The following SNCAIP variants were observed in gnomAD, a reference collection of about 807,000 sequenced individuals.
The protein encoded by SNCAIP is synuclein alpha interacting protein.
Under a neutral mutation model 86.7 loss-of-function variants are expected in SNCAIP, and 43 were observed. The observed-to-expected ratio is 0.50, with a 90% CI of 0.39 to 0.64. The LOEUF (loss-of-function observed/expected upper bound fraction) is 0.64, where lower values mean the gene tolerates loss of function less well. Among genes scored for constraint, SNCAIP ranks in the 30% least tolerant of loss-of-function variants. The pLI, the probability that SNCAIP is intolerant of heterozygous loss-of-function variation, is 0.00. For synonymous variants in SNCAIP, 417 were observed against 427.2 expected (o/e 0.98, Z 0.29); for missense variants, 981 against 1,103.1 (o/e 0.89, Z 1.57).
chr5:122,403,037 C>G (rs995098326), intron 2 of SNCAIP, among the ~76,000 whole-genome samples: 2 of 152,126 alleles, frequency 1.3e-5, no homozygotes, highest in African/African-American at 4.8e-5. Context: ...CACATGTTGT[C>G]CTCATAAATC....
At chr5:122,415,312 T>C (rs1346754189) in intron 3 of SNCAIP, among the ~76,000 whole-genome samples, 3 of 152,226 alleles carry the variant, frequency 2.0e-5, no homozygotes, top group African/African-American at 7.2e-5. Context: ...AGGCCAGCAC[T>C]GGGTCTTCCA....
At chr5:122,429,803 C>T (rs17149175) in intron 5 of SNCAIP, among the ~76,000 whole-genome samples, 15,854 of 152,072 alleles carry the variant, frequency 0.1, 1,056 homozygotes, top group Admixed American at 0.14. Context: ...AGCCAGGACA[C>T]GGTTACCTCC....
At chr5:122,463,383 GT>G in intron 10 of SNCAIP, 107 bp from the exon 11 acceptor site, 1 of 749,388 alleles carries the variant, frequency 1.3e-6, no homozygotes, top group Non-Finnish European at 2.4e-6. Context: ...CTTCAGTGTG[GT>G]TTGTGTGAGG....
chr5:122,423,224 C>G lies in SNCAIP; in HGVS notation c.487C>G (p.Gln163Glu). The G allele has an allele frequency of 6.2e-7, 1 of 1,614,152 alleles. No individual in the cohort carries two copies. The part of the protein sequence containing the change: ...ILDVPYIKSS[Q>E]QLASFTKVTS... ...GGATGTGCCTTATATTAAATCCAGT[C>G]AGCAGCTTGCCTCTTTTACCAAGGT... Residue 163 changes from glutamine to glutamate, a missense_variant, in exon 4 of 11, where the codon CAG becomes GAG. Coordinates refer to ENST00000261368, the MANE Select transcript of SNCAIP (RefSeq NM_005460.4).
intron 10 of SNCAIP, among the ~76,000 whole-genome samples, chr5:122,459,258 G>A (rs151132809): frequency 5.5e-4 from 83 of 152,290 alleles, no homozygotes; most frequent in Non-Finnish European, 9.4e-4. Flanking sequence ...AATGTCGTGC[G>A]TGCCGTGGAC....
At chr5:122,372,039 T>G (rs1764379104) in intron 1 of SNCAIP, among the ~76,000 whole-genome samples, 1 of 152,110 alleles carries the variant, frequency 6.6e-6, no homozygotes. Context: ...CAGCCCCCAG[T>G]TGCCACCTCC....
intron 3 of SNCAIP, among the ~76,000 whole-genome samples, chr5:122,415,634 A>G (rs928284428): frequency 7.9e-5 from 12 of 152,194 alleles, no homozygotes; most frequent in African/African-American, 2.9e-4. Context: ...GTTCTCTCTT[A>G]CCAAGGAGCA....
chr5:122,380,665 C>G (rs1272362799), intron 1 of SNCAIP, among the ~76,000 whole-genome samples: 1 of 148,494 alleles, frequency 6.7e-6, no homozygotes, highest in Non-Finnish European at 1.5e-5. Context: ...CCTGCTTTCT[C>G]TTGTGGGCAT....
At chr5:122,378,866 T>A (rs1765988483) in intron 1 of SNCAIP, among the ~76,000 whole-genome samples, 1 of 146,026 alleles carries the variant, frequency 6.8e-6, no homozygotes, top group Non-Finnish European at 1.5e-5. Flanking sequence ...GTGGCGTTAT[T>A]TCTGAGGGCT....
At chr5:122,393,642 C>T (rs530011218) in intron 2 of SNCAIP, among the ~76,000 whole-genome samples, 1 of 152,164 alleles carries the variant, frequency 6.6e-6, no homozygotes, top group East Asian at 1.9e-4. Flanking sequence ...GGGTAGAGAC[C>T]AGAGAGGCTT....
intron 10 of SNCAIP, among the ~76,000 whole-genome samples, chr5:122,457,694 G>T (rs567365175): frequency 1.3e-5 from 2 of 151,922 alleles, no homozygotes; most frequent in Admixed American, 6.6e-5. Flanking sequence ...CCTCAGCCTC[G>T]CCTGTAGTTT....
Position 122,355,251 on chromosome 5 carries a change from C to T in SNCAIP, c.-46-35838C>T, listed in dbSNP as rs185053504. 2.8e-4 allele frequency among the ~76,000 whole-genome samples: 42 copies of T among 152,168 alleles called. 1 individual carries two copies. The highest frequency in any genetic ancestry group is 1.7e-3 in the Admixed American group (26 of 15,290). On this transcript the variant is annotated intron_variant, in intron 1 of 10. Coordinates refer to ENST00000261368, the MANE Select transcript of SNCAIP (RefSeq NM_005460.4). The stretch of plus-strand genomic sequence containing the variant: ...AATGGTTAAGATCTCTTGAAGTTTG[C>T]ATATTCTCTTTTGTTTGTTTTAATG...
rs758323937 is a variant in SNCAIP at position 122,423,007 on chromosome 5, G to C, written c.270G>C (p.Glu90Asp). 6.2e-7 allele frequency: 1 copy of C among 1,614,154 alleles called. No homozygotes were observed. Among genetic ancestry groups the C allele is most frequent in the Non-Finnish European group, 8.5e-7 (1 of 1,180,010 alleles). The part of the protein sequence containing the change: ...SPLKHQPETL[E>D]NNESDDQKNQ... ...TGAAACATCAGCCAGAGACTCTGGA[G>C]AACAATGAAAGTGATGACCAAAAGA... is the stretch of plus-strand genomic sequence containing the variant. Residue 90 changes from glutamate (E) to aspartate (D), a missense_variant, in exon 4 of 11, where the codon GAG becomes GAC. Glu to Asp is a conservative substitution (Grantham distance 45, BLOSUM62 2). Transcript: ENST00000261368.
intron 1 of SNCAIP, among the ~76,000 whole-genome samples, chr5:122,360,654 T>C (rs997135660): frequency 2.0e-5 from 3 of 152,190 alleles, no homozygotes; most frequent in Admixed American, 6.5e-5. Flanking sequence ...GGTTTAAATG[T>C]TAGGCATGTG....
Position 122,380,369 on chromosome 5 carries a change from G to A in SNCAIP, c.-46-10720G>A, listed in dbSNP as rs1052077511. On this transcript the variant is annotated intron_variant, in intron 1 of 10. Transcript: ENST00000261368. ...TTCTCTGATGGTAGTTTGGATTTCT[G>A]TGGGATCAGTGGTGATATCCCCTTT... 4.6e-5 allele frequency among the ~76,000 whole-genome samples: 7 copies of A among 152,250 alleles called. No homozygotes were observed. The South Asian group carries it at 8.3e-4, about 18-fold the overall frequency.
At chr5:122,447,539 A>C (rs1044303375) in intron 8 of SNCAIP, among the ~76,000 whole-genome samples, 1 of 152,268 alleles carries the variant, frequency 6.6e-6, no homozygotes, top group African/African-American at 2.4e-5. Flanking sequence ...AAAGACACAT[A>C]ATAAGCCCTT....
intron 2 of SNCAIP, among the ~76,000 whole-genome samples, chr5:122,397,275 G>A (rs887519003): frequency 3.3e-5 from 5 of 152,054 alleles, no homozygotes; most frequent in African/African-American, 1.2e-4. Flanking sequence ...TCCCAGTTCA[G>A]GTAGGTCTCT....
At chr5:122,462,335 T>G (rs1370774096) in intron 10 of SNCAIP, among the ~76,000 whole-genome samples, 1 of 152,228 alleles carries the variant, frequency 6.6e-6, no homozygotes, top group Non-Finnish European at 1.5e-5. Flanking sequence ...TTGTCTGTTG[T>G]ATCCTCTCCT....
At chr5:122,384,278 A>G (rs1050317818) in intron 1 of SNCAIP, among the ~76,000 whole-genome samples, 3 of 152,214 alleles carry the variant, frequency 2.0e-5, no homozygotes, top group Non-Finnish European at 2.9e-5. Context: ...GAGGTTTGCC[A>G]TCTGTAAAAT....
Sources: gnomAD v4.1 joint callset for allele counts (sites outside exome capture counted in the v4.1 genomes callset) on GRCh38, gnomAD v4.1.1 for gene constraint, MANE v1.5 for transcripts, NCBI Gene and HGNC (gene_info 2026-07-23, HGNC 2026-07-21) for gene names.